The following KATNAL2 variants were observed in gnomAD, a reference collection of about 807,000 sequenced individuals.
KATNAL2 encodes katanin catalytic subunit A1 like 2.
In KATNAL2, 52 loss-of-function variants were observed where a neutral mutation model predicts 76.3. That is an observed-to-expected ratio of 0.68 (90% CI 0.55 to 0.86). KATNAL2 has a LOEUF of 0.86. Ranked by LOEUF, KATNAL2 falls within the 40% of genes least tolerant of loss-of-function variation. The pLI is 0.00. For synonymous variants in KATNAL2, 243 were observed against 244.2 expected, an observed-to-expected ratio of 1.00 and a Z score of 0.05; for missense variants, 660 against 668.9, an observed-to-expected ratio of 0.99 and a Z score of 0.15.
intron 1 of KATNAL2, among the ~76,000 whole-genome samples, chr18:46,923,245 G>C (rs1317114792): frequency 1.2e-5 from 1 of 83,354 alleles, no homozygotes; most frequent in East Asian, 3.5e-4. Context: ...CCCCGTCCCC[G>C]GTGTGTGATG....
intron 3 of KATNAL2, among the ~76,000 whole-genome samples, chr18:47,032,107 G>A (rs1245051927): frequency 6.6e-6 from 1 of 152,242 alleles, no homozygotes; most frequent in East Asian, 1.9e-4. Context: ...GCTGATTAAT[G>A]TGTCACCATT....
intron 15 of KATNAL2, among the ~76,000 whole-genome samples, chr18:47,093,488 G>A (rs999148649): frequency 8.3e-5 from 12 of 144,086 alleles, no homozygotes; most frequent in African/African-American, 2.6e-4. Flanking sequence ...TTCTCATTTC[G>A]AATTTGTGTG....
At chr18:46,932,664 ACT>A (rs1274406913) in intron 1 of KATNAL2, among the ~76,000 whole-genome samples, 1 of 103,446 alleles carries the variant, frequency 9.7e-6, no homozygotes, top group East Asian at 3.2e-4. Flanking sequence ...ACAGAGCAAG[ACT>A]CTGTCTCAAA....
At chr18:47,033,394 G>C in intron 3 of KATNAL2, 2 of 1,614,126 alleles carry the variant, frequency 1.2e-6, no homozygotes, top group South Asian at 2.2e-5. Flanking sequence ...TCGGATATTC[G>C]TTGTCATTAC....
intron 15 of KATNAL2, among the ~76,000 whole-genome samples, chr18:47,081,358 T>G (rs2062511984): frequency 1.3e-5 from 2 of 152,196 alleles, no homozygotes; most frequent in Non-Finnish European, 2.9e-5. Flanking sequence ...TAAAAATAAA[T>G]TGGTGAAATT....
At chr18:47,056,107 G>A (rs1223398104) in intron 6 of KATNAL2, among the ~76,000 whole-genome samples, 1 of 152,212 alleles carries the variant, frequency 6.6e-6, no homozygotes, top group African/African-American at 2.4e-5. Context: ...GATGAACCAA[G>A]GGAGGAAAGG....
intron 15 of KATNAL2, among the ~76,000 whole-genome samples, chr18:47,094,120 G>C (rs961355502): frequency 6.6e-6 from 1 of 152,162 alleles, no homozygotes; most frequent in Non-Finnish European, 1.5e-5. Context: ...GATGGAGGCA[G>C]TTTGGTCTCT....
chr18:46,926,063 G>T (rs1452160445), intron 1 of KATNAL2, among the ~76,000 whole-genome samples: 4 of 151,994 alleles, frequency 2.6e-5, no homozygotes, highest in Non-Finnish European at 5.9e-5. Context: ...TTTTTGAAGG[G>T]TTTTTTGTGT....
chr18:46,952,742 T>C (rs2059602782), intron 3 of KATNAL2, among the ~76,000 whole-genome samples: 1 of 151,978 alleles, frequency 6.6e-6, no homozygotes. Flanking sequence ...TTTTTCACTG[T>C]ATCCTGTTCT....
chr18:46,965,581 G>GCCCC (rs2510018), intron 3 of KATNAL2, among the ~76,000 whole-genome samples: 23 of 73,904 alleles, frequency 3.1e-4, no homozygotes, highest in East Asian at 1.9e-3. Flanking sequence ...TAGCATCCCC[G>GCCCC]CCCCCCCCCC....
At chr18:46,947,501 A>C (rs924327419) in intron 3 of KATNAL2, among the ~76,000 whole-genome samples, 3 of 152,092 alleles carry the variant, frequency 2.0e-5, no homozygotes, top group African/African-American at 4.8e-5. Context: ...GCTACTGGCC[A>C]GCAATTCTTT....
At chr18:46,941,930 G>T (rs1464720988) in intron 1 of KATNAL2, among the ~76,000 whole-genome samples, 1 of 152,160 alleles carries the variant, frequency 6.6e-6, no homozygotes, top group Admixed American at 6.5e-5. Context: ...AGGGGAAGGG[G>T]TGCGCCTGTT....
At chr18:47,044,775 AAACAAAAAC>A (rs2061096539) in intron 3 of KATNAL2, among the ~76,000 whole-genome samples, 2 of 146,750 alleles carry the variant, frequency 1.4e-5, no homozygotes, top group African/African-American at 5.1e-5. Flanking sequence ...AAAAAAACAA[AAACAAAAAC>A]AAAAACAGTT....
chr18:46,923,291 A>G lies in KATNAL2; in HGVS notation c.-510+5365A>G, dbSNP rs548999938. Among the ~76,000 whole-genome samples, 974 of 138,718 alleles carry G rather than the reference A, an allele frequency of 7.0e-3. 5 individuals carry two copies. Among genetic ancestry groups the G allele is most frequent in the African/African-American group, 0.025 (932 of 36,994 alleles). The allele number at this position is 138,718 out of a possible 152,430, so 91.0% of individuals were successfully genotyped here. A position where few individuals can be genotyped will look rare whatever the true frequency, so the allele number is the denominator to read the frequency against. ...TGTGTCCATGTGTTCTCATTGTTCAATTCCCACCTGTGAGTGAGAACATGT... is the reference window on the plus strand; with the variant it reads ...TGTGTCCATGTGTTCTCATTGTTCAGTTCCCACCTGTGAGTGAGAACATGT... On this transcript the variant is annotated intron_variant, in intron 1 of 17. Coordinates refer to ENST00000683218, the MANE Select transcript of KATNAL2 (RefSeq NM_001387690.1).
intron 1 of KATNAL2, among the ~76,000 whole-genome samples, chr18:46,935,228 G>T (rs72917151): frequency 0.046 from 7,053 of 152,142 alleles, 190 homozygotes; most frequent in Non-Finnish European, 0.065. Context: ...ATAGCATATT[G>T]CACACAGTTT....
rs2063435962 is a variant in KATNAL2 at position 47,101,363 on chromosome 18, A to G, written c.*358A>G. 1 of 226,268 alleles carries G rather than the reference A, an allele frequency of 4.4e-6. No homozygotes were observed. The highest frequency in any genetic ancestry group is 9.9e-5 in the East Asian group (1 of 10,066). 14.0% of individuals were successfully genotyped at this position (226,268 alleles called of 1,614,324 possible). The stretch of plus-strand genomic sequence containing the variant: ...TACTTAGAAAAGTTGTGTTGGCCAC[A>G]CACAGGATGACCCTGAGTTGGGGCA... On this transcript the variant is annotated 3_prime_UTR_variant, in exon 18 of 18. Coordinates refer to ENST00000683218, the MANE Select transcript of KATNAL2 (RefSeq NM_001387690.1).
At chr18:47,073,573 G>C (rs1197628247) in intron 13 of KATNAL2, among the ~76,000 whole-genome samples, 1 of 152,148 alleles carries the variant, frequency 6.6e-6, no homozygotes, top group Non-Finnish European at 1.5e-5. Flanking sequence ...AAGCAGAGAA[G>C]CTTTTTCTAC....
At chr18:47,068,471 C>G (rs1482467582) in intron 11 of KATNAL2, among the ~76,000 whole-genome samples, 2 of 152,152 alleles carry the variant, frequency 1.3e-5, no homozygotes, top group African/African-American at 4.8e-5. Flanking sequence ...AACTATAAAA[C>G]TTTTAAAAAG....
intron 3 of KATNAL2, among the ~76,000 whole-genome samples, chr18:46,959,659 C>T (rs188304053): frequency 2.0e-5 from 3 of 152,224 alleles, no homozygotes; most frequent in South Asian, 2.1e-4. Context: ...CTGCAACCTC[C>T]GCCTCCCAGG....
Sources: gnomAD v4.1 joint callset for allele counts (sites outside exome capture counted in the v4.1 genomes callset) on GRCh38, gnomAD v4.1.1 for gene constraint, MANE v1.5 for transcripts, NCBI Gene and HGNC (gene_info 2026-07-23, HGNC 2026-07-21) for gene names.